The following DNMT3A variants were observed in gnomAD, a reference collection of about 807,000 sequenced individuals.
DNMT3A encodes the protein DNA methyltransferase 3 alpha.
In DNMT3A, 267 loss-of-function variants were observed where a neutral mutation model predicts 117.6. That is an observed-to-expected ratio of 2.27 (90% CI 2.05 to 2.51). The LOEUF (loss-of-function observed/expected upper bound fraction) is 2.51. Ranked by LOEUF, DNMT3A falls within the 30% of genes most tolerant of loss-of-function variation. The pLI is 0.00. For missense variants in DNMT3A, 1,029 were observed against 1,260.2 expected (o/e 0.82, Z 2.78); for synonymous variants, 432 against 474.8 (o/e 0.91, Z 1.17).
intron 1 of DNMT3A, among the ~76,000 whole-genome samples, chr2:25,326,940 C>T (rs1303402555): frequency 3.9e-5 from 6 of 152,242 alleles, no homozygotes; most frequent in Non-Finnish European, 8.8e-5. Flanking sequence ...CTCCCACAAA[C>T]AACTTTCCTT....
intron 1 of DNMT3A, among the ~76,000 whole-genome samples, chr2:25,324,502 C>T (rs2034715145): frequency 6.6e-6 from 1 of 152,206 alleles, no homozygotes; most frequent in South Asian, 2.1e-4. Context: ...TCTGGGGTGA[C>T]CCTGGCCCAC....
At chr2:25,323,445 C>G (rs2034673548) in intron 1 of DNMT3A, among the ~76,000 whole-genome samples, 1 of 152,168 alleles carries the variant, frequency 6.6e-6, no homozygotes, top group Admixed American at 6.5e-5. Context: ...CCAGGGCTCC[C>G]TGGGAGGCCA....
At chr2:25,321,857 G>A (rs566042448) in intron 1 of DNMT3A, among the ~76,000 whole-genome samples, 1 of 152,322 alleles carries the variant, frequency 6.6e-6, no homozygotes, top group South Asian at 2.1e-4. Flanking sequence ...CCACACTCCA[G>A]CCTGGGCAAA....
rs188646626 is a variant in DNMT3A, at chr2:25,233,518, C to T, written c.*761G>A. 8 of 233,372 alleles carry T rather than the reference C, an allele frequency of 3.4e-5. No homozygotes were observed. Among genetic ancestry groups the T allele is most frequent in the African/African-American group, 1.8e-4 (8 of 45,198 alleles). The allele number at this position is 233,372 out of a possible 1,614,324, so 14.5% of individuals were successfully genotyped here. A position where few individuals can be genotyped will look rare whatever the true frequency, so the allele number is the denominator to read the frequency against. On this transcript the variant is annotated 3_prime_UTR_variant, in exon 23 of 23. Transcript: ENST00000321117. ...TGTAAACAAGAGGTAACAGCGGCTT[C>T]TAGAAACTGATTTTCTTCAAGGTTT... is the stretch of plus-strand genomic sequence containing the variant.
At chr2:25,275,427 T>G in intron 5 of DNMT3A, 73 bp downstream of exon 5, 20 of 606,036 alleles carry the variant, frequency 3.3e-5, no homozygotes, top group Non-Finnish European at 4.4e-5. Flanking sequence ...CTCCGCCCCC[T>G]CACACACACT....
rs377577594 is a variant in DNMT3A at position 25,234,374 on chromosome 2, G to T, written c.2644C>A (p.Arg882Ser). 6.8e-6 allele frequency: 11 copies of T among 1,613,624 alleles called. No individual in the cohort carries two copies. The highest frequency in any genetic ancestry group is 1.7e-5 in the Admixed American group (1 of 59,986). Residue 882 changes from arginine (R) to serine (S), a missense_variant, in exon 23 of 23, where the codon CGC (arginine) becomes AGC (serine). Physicochemically the swap from Arg to Ser is moderately radical, Grantham distance 110. Coordinates refer to ENST00000321117, the MANE Select transcript of DNMT3A (RefSeq NM_022552.5). The surrounding 1 kb of genome is among the most constrained non-coding windows in gnomAD (Gnocchi z 4.5). ...VHYTDVSNMS[R>S]LARQRLLGRS... ...CCCAGCAGTCTCTGCCTCGCCAAGC[G>T]GCTCATGTTGGAGACGTCAGTATAG...
intron 6 of DNMT3A, among the ~76,000 whole-genome samples, chr2:25,255,134 C>T (rs568021112): frequency 5.3e-5 from 8 of 152,144 alleles, no homozygotes; most frequent in Non-Finnish European, 1.0e-4. Flanking sequence ...TAGACTGAGT[C>T]GCTTAAACAG....
At chr2:25,341,078 C>G (rs1256951234) in intron 1 of DNMT3A, among the ~76,000 whole-genome samples, 1 of 145,746 alleles carries the variant, frequency 6.9e-6, no homozygotes, top group Non-Finnish European at 1.5e-5. Flanking sequence ...GCCGGCGCCC[C>G]GCACCCCCAG....
rs2035071847 is a variant in DNMT3A at position 25,332,987 on chromosome 2, AAGAGGGCCCAGGCC to A, written c.-178+8825_-178+8838del. The stretch of plus-strand genomic sequence containing the variant: ...AAAGAGACCAGTGGGCAGGGAGGGA[AAGAGGGCCCAGGCC>A]TTGAGCAGGCTACTGGGTCCCCACA... On this transcript the variant is annotated intron_variant, in intron 1 of 22. Transcript: ENST00000321117. Among the ~76,000 whole-genome samples, 3 of 152,248 alleles carry A rather than the reference AAGAGGGCCCAGGCC, an allele frequency of 2.0e-5. No individual in the cohort carries two copies. In the South Asian group the frequency reaches 6.2e-4, roughly 31 times the overall value.
Position 25,294,533 on chromosome 2 carries a change from G to A in DNMT3A, c.177+5606C>T, listed in dbSNP as rs1196888937. Among the ~76,000 whole-genome samples, 1 of 152,138 alleles carries A rather than the reference G, an allele frequency of 6.6e-6. No homozygotes were observed. The highest frequency in any genetic ancestry group is 6.6e-5 in the Admixed American group (1 of 15,260). On this transcript the variant is annotated intron_variant, in intron 3 of 22. Transcript: ENST00000321117. This position sits in a 1 kb window ranked among gnomAD's most constrained non-coding sequence, Gnocchi z 4.7. Reference sequence around the variant, plus strand: ...GGAAGTTATATGCATAAAAGGTAGGGGCACCATATCACCCAGCCGAGGTCC... The same window carrying A: ...GGAAGTTATATGCATAAAAGGTAGGAGCACCATATCACCCAGCCGAGGTCC...
At position 25,239,143 on chromosome 2, in the gene DNMT3A, G is replaced by A. The variant is rs766564570; in HGVS notation, c.2395C>T (p.Pro799Ser). ...GCTTTCACCAACCTGTTCATACCGG[G>A]AAGGTTACCCCAGAAGTAGCGGGCC... ...HRARYFWGNL[P>S]GMNRPLASTV... The change falls in exon 20 of 23, where the codon CCC (proline) becomes TCC (serine). Residue 799 changes from proline to serine, a missense_variant. Coordinates refer to ENST00000321117, the MANE Select transcript of DNMT3A (RefSeq NM_022552.5). 2.5e-6 allele frequency: 4 copies of A among 1,613,986 alleles called. No individual in the cohort carries two copies. The highest frequency in any genetic ancestry group is 3.4e-6 in the Non-Finnish European group (4 of 1,179,910).
At position 25,237,907 on chromosome 2, in the gene DNMT3A, G is replaced by A. The variant is rs192489476; in HGVS notation, c.2409-902C>T. 3.3e-4 allele frequency among the ~76,000 whole-genome samples: 50 copies of A among 152,372 alleles called. No homozygotes were observed. Among genetic ancestry groups the A allele is most frequent in the Middle Eastern group, 3.4e-3 (1 of 294 alleles). On this transcript the variant is annotated intron_variant, in intron 20 of 22. Transcript: ENST00000321117. This position sits in a 1 kb window ranked among gnomAD's most constrained non-coding sequence, Gnocchi z 5.4. Reference sequence around the variant, plus strand: ...AACGCTGACCTTTTCTGACATGTAAGGATATTTAAGGAAGGCTTCCCTGAG... The same window carrying A: ...AACGCTGACCTTTTCTGACATGTAAAGATATTTAAGGAAGGCTTCCCTGAG...
Position 25,234,753 on chromosome 2 carries a change from A to G in DNMT3A, c.2598-333T>C, listed in dbSNP as rs1673162731. On this transcript the variant is annotated intron_variant, in intron 22 of 22. Coordinates refer to ENST00000321117, the MANE Select transcript of DNMT3A (RefSeq NM_022552.5). The surrounding 1 kb of genome is among the most constrained non-coding windows in gnomAD (Gnocchi z 4.5). ...ACAATCCCTCAGAAATACCTCCAGG[A>G]CACACTCTCTAGTTCTCCTCTCCTG... Among the ~76,000 whole-genome samples, 1 of 152,160 alleles carries G rather than the reference A, an allele frequency of 6.6e-6. No homozygotes were observed. Among genetic ancestry groups the G allele is most frequent in the Admixed American group, 6.5e-5 (1 of 15,274 alleles).
intron 3 of DNMT3A, among the ~76,000 whole-genome samples, chr2:25,288,781 A>G (rs1050346545): frequency 6.6e-6 from 1 of 152,104 alleles, no homozygotes; most frequent in Non-Finnish European, 1.5e-5. Context: ...TCCATTCAAC[A>G]CTAACTTCCC....
chr2:25,264,132 G>T (rs1434692656), intron 6 of DNMT3A, among the ~76,000 whole-genome samples: 68 of 73,762 alleles, frequency 9.2e-4, no homozygotes, highest in Non-Finnish European at 1.4e-3. Context: ...CAACCCTTTG[G>T]TTTTTTTTTT....
chr2:25,277,230 C>G (rs992695467), intron 4 of DNMT3A, among the ~76,000 whole-genome samples: 3 of 152,214 alleles, frequency 2.0e-5, no homozygotes, highest in African/African-American at 7.2e-5. Context: ...CCCATCTTGT[C>G]TGGCTCTGCC....
At chr2:25,274,910 G>A (rs772923965) in intron 6 of DNMT3A, 31 bp downstream of exon 6, 3 of 1,590,998 alleles carry the variant, frequency 1.9e-6, no homozygotes, top group East Asian at 2.3e-5. Context: ...TCTGCAGGAC[G>A]GGCTGGGGCC....
chr2:25,341,817 G>A lies in DNMT3A; in HGVS notation c.-178+9C>T, dbSNP rs2035472974. 37 of 979,692 alleles carry A rather than the reference G, an allele frequency of 3.8e-5. 1 individual carries two copies. In the South Asian group the frequency reaches 1.4e-3, roughly 37 times the overall value. The allele number at this position is 979,692 out of a possible 1,614,324, so 60.7% of individuals were successfully genotyped here. On this transcript the variant is annotated intron_variant, in intron 1 of 22. Coordinates refer to ENST00000321117, the MANE Select transcript of DNMT3A (RefSeq NM_022552.5). Reference sequence around the variant, plus strand: ...GGCCTTCCGGGCCGCCAGCAGCGGCGCTCATTACCGTATGGCCGGTGGGGT... The same window carrying A: ...GGCCTTCCGGGCCGCCAGCAGCGGCACTCATTACCGTATGGCCGGTGGGGT...
Position 25,244,230 on chromosome 2 carries a change from G to A in DNMT3A, c.1776C>T (p.Tyr592=), listed in dbSNP as rs758063797. 9.3e-6 allele frequency: 15 copies of A among 1,614,050 alleles called. No homozygotes were observed. Among genetic ancestry groups the A allele is most frequent in the Middle Eastern group, 1.6e-4 (1 of 6,062 alleles). ...NCYMCGHKGT[Y]GLLRRREDWP... ...AGTCCTCTCGCCGCCGCAGCAGCCCGTAGGTACCCTTGTGCCCGCACATGT... is the reference window on the plus strand; with the variant it reads ...AGTCCTCTCGCCGCCGCAGCAGCCCATAGGTACCCTTGTGCCCGCACATGT... Residue 592 remains tyrosine (Y), a synonymous_variant, in exon 15 of 23, where the codon TAC becomes TAT. Coordinates refer to ENST00000321117, the MANE Select transcript of DNMT3A (RefSeq NM_022552.5).
Sources: allele counts gnomAD v4.1 joint callset (sites outside exome capture counted in the v4.1 genomes callset), GRCh38; gene constraint gnomAD v4.1.1; non-coding constraint Gnocchi (gnomAD v3.1); transcripts MANE v1.5; gene names NCBI Gene and HGNC (gene_info 2026-07-23, HGNC 2026-07-21).